The following RBFOX2 variants were observed in gnomAD, a reference collection of about 807,000 sequenced individuals.
The protein encoded by RBFOX2 is RNA binding fox-1 homolog 2, also known as RNA binding protein fox-1 homolog 2.
In RBFOX2, 10 loss-of-function variants were observed where a neutral mutation model predicts 49.1. The observed-to-expected ratio is 0.20, with a 90% CI of 0.13 to 0.35. RBFOX2 has a LOEUF of 0.35. Among genes scored for constraint, RBFOX2 ranks in the 10% least tolerant of loss-of-function variants. The probability of loss-of-function intolerance (pLI) is 1.00; values close to 1 mark genes in which losing one functional copy is unlikely to be tolerated. For synonymous variants in RBFOX2, 183 were observed against 187.4 expected, an observed-to-expected ratio of 0.98 and a Z score of 0.19; for missense variants, 323 against 486.9, an observed-to-expected ratio of 0.66 and a Z score of 3.17.
intron 1 of RBFOX2, among the ~76,000 whole-genome samples, chr22:35,860,431 A>G (rs2042976357): frequency 6.6e-6 from 1 of 152,112 alleles, no homozygotes; most frequent in Non-Finnish European, 1.5e-5. Context: ...TAAAACAATC[A>G]CCCAAACTCC....
chr22:35,958,558 C>T (rs943302594), intron 1 of RBFOX2, among the ~76,000 whole-genome samples: 2 of 152,160 alleles, frequency 1.3e-5, no homozygotes, highest in Admixed American at 1.3e-4. Context: ...GACTCTCTGC[C>T]ACCTACTACT....
chr22:35,851,115 G>C (rs979918078), intron 1 of RBFOX2, among the ~76,000 whole-genome samples: 5 of 151,968 alleles, frequency 3.3e-5, no homozygotes, highest in African/African-American at 1.2e-4. Flanking sequence ...CTCCTTTTAC[G>C]GTCACTGTAA....
chr22:35,897,897 A>G (rs2048060588), intron 1 of RBFOX2: 1 of 725,132 alleles, frequency 1.4e-6, no homozygotes, highest in East Asian at 2.5e-5. Flanking sequence ...TCACATTCAG[A>G]TGTGCAACAT....
At chr22:35,972,459 C>G (rs1435293965) in intron 1 of RBFOX2, among the ~76,000 whole-genome samples, 1 of 151,936 alleles carries the variant, frequency 6.6e-6, no homozygotes, top group Non-Finnish European at 1.5e-5. Flanking sequence ...TGGGACTTAC[C>G]CGGTACTGTG....
intron 1 of RBFOX2, among the ~76,000 whole-genome samples, chr22:36,006,781 G>A (rs542197252): frequency 3.9e-5 from 6 of 152,122 alleles, no homozygotes; most frequent in African/African-American, 4.8e-5. Flanking sequence ...CACTCAATAC[G>A]CAGCAACAGC....
intron 1 of RBFOX2, among the ~76,000 whole-genome samples, chr22:35,891,702 G>C (rs2047262022): frequency 6.6e-6 from 1 of 152,142 alleles, no homozygotes; most frequent in Non-Finnish European, 1.5e-5. Context: ...CTATAATTAT[G>C]TTTATTGGAT....
chr22:35,988,570 G>A (rs772516056), intron 1 of RBFOX2, among the ~76,000 whole-genome samples: 10 of 152,108 alleles, frequency 6.6e-5, no homozygotes, highest in Non-Finnish European at 1.5e-4. Flanking sequence ...CAAAGGTAAG[G>A]GTTAGTGCCA....
intron 1 of RBFOX2, among the ~76,000 whole-genome samples, chr22:35,938,483 ACT>A (rs1450592489): frequency 2.6e-5 from 4 of 152,182 alleles, no homozygotes; most frequent in African/African-American, 4.8e-5. Flanking sequence ...GGACTCAAAA[ACT>A]CTGTGCAGGC....
rs7286261 is a variant in RBFOX2, at chr22:35,781,034, C to T, written c.399+566G>A. 2.7e-3 allele frequency among the ~76,000 whole-genome samples: 404 copies of T among 152,106 alleles called. 4 individuals are homozygous for T. Among genetic ancestry groups the T allele is most frequent in the African/African-American group, 9.3e-3 (387 of 41,506 alleles). ...GAAGGTAAAGAAAAAACAAAGAAGG[C>T]GACAGGATGAATAAGCAATGGTTCC... On this transcript the variant is annotated intron_variant, in intron 3 of 11. Coordinates refer to ENST00000405409, the Ensembl canonical transcript of RBFOX2.
intron 9 of RBFOX2, among the ~76,000 whole-genome samples, chr22:35,751,420 G>C (rs754694167): frequency 3.0e-4 from 45 of 152,126 alleles, no homozygotes; most frequent in Non-Finnish European, 6.2e-4. Flanking sequence ...ATGGCGGCAG[G>C]GGGTGGGTAA....
Position 35,986,928 on chromosome 22 carries a change from C to A in RBFOX2, c.186+41312G>T, listed in dbSNP as rs959047911. 1.9e-4 allele frequency among the ~76,000 whole-genome samples: 29 copies of A among 151,554 alleles called. 2 individuals carry two copies. On this transcript the variant is annotated intron_variant, in intron 1 of 13. Transcript: ENST00000438146. ...TCAGTCACCATAAACTCTTACTTCA[C>A]TGGAAAATAGAGTTTTGTATAAAGA...
intron 1 of RBFOX2, among the ~76,000 whole-genome samples, chr22:36,021,385 T>C (rs1266002727): frequency 6.6e-6 from 1 of 151,644 alleles, no homozygotes; most frequent in East Asian, 1.9e-4. Flanking sequence ...ACCCTAGAAC[T>C]TGAAGTATAA....
intron 1 of RBFOX2, among the ~76,000 whole-genome samples, chr22:35,859,168 A>AGCC (rs2042854436): frequency 6.6e-6 from 1 of 152,236 alleles, no homozygotes; most frequent in Admixed American, 6.5e-5. Context: ...TTGCTACTAT[A>AGCC]GCCACCACCA....
intron 1 of RBFOX2, among the ~76,000 whole-genome samples, chr22:35,863,886 T>C (rs1191836411): frequency 2.6e-5 from 4 of 152,316 alleles, no homozygotes; most frequent in Middle Eastern, 3.4e-3. Context: ...GAAATCGAAG[T>C]TGCCCCTCCT....
intron 1 of RBFOX2, among the ~76,000 whole-genome samples, chr22:35,892,743 C>T (rs1273247235): frequency 1.3e-5 from 2 of 152,146 alleles, no homozygotes; most frequent in Non-Finnish European, 2.9e-5. Flanking sequence ...ATTTTTCAGG[C>T]ATATCTACTG....
intron 1 of RBFOX2, among the ~76,000 whole-genome samples, chr22:35,827,039 T>C (rs958245868): frequency 6.6e-6 from 1 of 152,210 alleles, no homozygotes; most frequent in Admixed American, 6.5e-5. Context: ...AACAGTCAGG[T>C]GACCATTTTA....
chr22:35,799,445 A>G (rs907784765), intron 2 of RBFOX2, among the ~76,000 whole-genome samples: 1 of 152,216 alleles, frequency 6.6e-6, no homozygotes, highest in Non-Finnish European at 1.5e-5. Flanking sequence ...GCCCAAGGTT[A>G]AAATCGATTT....
chr22:35,924,259 G>T (rs2051359850), intron 1 of RBFOX2, among the ~76,000 whole-genome samples: 1 of 152,140 alleles, frequency 6.6e-6, no homozygotes, highest in African/African-American at 2.4e-5. Context: ...ACCAATAATA[G>T]AATACCAGAA....
chr22:35,985,513 A>ACATTCCCC (rs1359912247), intron 1 of RBFOX2, among the ~76,000 whole-genome samples: 1 of 152,166 alleles, frequency 6.6e-6, no homozygotes, highest in Non-Finnish European at 1.5e-5. Flanking sequence ...CGTGCTGCCA[A>ACATTCCCC]GTGAAGCCAC....
Sources: allele counts gnomAD v4.1 joint callset (sites outside exome capture counted in the v4.1 genomes callset), GRCh38; gene constraint gnomAD v4.1.1; transcripts MANE v1.5; gene names NCBI Gene and HGNC (gene_info 2026-07-23, HGNC 2026-07-21).